Variants in RANBP2 observed in about 807,000 individuals in gnomAD.
RANBP2 encodes E3 SUMO-protein ligase RanBP2.
RANBP2 carries 57 observed loss-of-function variants against 303.6 expected under a neutral mutation model. That is an observed-to-expected ratio of 0.19 (90% CI 0.15 to 0.23). RANBP2 has a LOEUF of 0.23. RANBP2 is among the 10% of genes least tolerant of loss of function. RANBP2 has a pLI of 1.00. For synonymous variants in RANBP2, 1,167 were observed against 1,301.5 expected (o/e 0.90, Z 2.23); for missense variants, 3,138 against 3,780.8 (o/e 0.83, Z 4.46).
At chr2:109,464,689 A>G in the RANBP2 span, among the ~76,000 whole-genome samples, 1 of 152,194 alleles carries the variant, frequency 6.6e-6, no homozygotes, top group Non-Finnish European at 1.5e-5. Context: ...GTTCAGAGAA[A>G]AACTGAGCAG....
chr2:108,939,879 C>T, the RANBP2 span, among the ~76,000 whole-genome samples: 2 of 152,306 alleles, frequency 1.3e-5, no homozygotes, highest in African/African-American at 4.8e-5. Context: ...ATCTGGACTC[C>T]ACTAGAGAAC....
the RANBP2 span, among the ~76,000 whole-genome samples, chr2:109,590,179 A>C: frequency 4.6e-5 from 7 of 152,006 alleles, no homozygotes; most frequent in Non-Finnish European, 8.8e-5. Flanking sequence ...AGTGGTTACC[A>C]GTCAGCAGTA....
At chr2:108,922,511 T>G in the RANBP2 span, among the ~76,000 whole-genome samples, 1 of 152,194 alleles carries the variant, frequency 6.6e-6, no homozygotes, top group African/African-American at 2.4e-5. Context: ...AGAGAGGAGA[T>G]GCTGCGCCCC....
chr2:108,999,719 C>T, the RANBP2 span, among the ~76,000 whole-genome samples: 2 of 152,040 alleles, frequency 1.3e-5, no homozygotes, highest in Admixed American at 1.3e-4. Context: ...GGATTTTAGG[C>T]TTCCTAGAAG....
chr2:109,078,425 G>T, the RANBP2 span, among the ~76,000 whole-genome samples: 1 of 147,672 alleles, frequency 6.8e-6, no homozygotes, highest in Non-Finnish European at 1.5e-5. Flanking sequence ...AATATCATAT[G>T]ATCTCACTTG....
chr2:108,855,426 G>A, the RANBP2 span, among the ~76,000 whole-genome samples: 1 of 151,040 alleles, frequency 6.6e-6, no homozygotes, highest in Admixed American at 6.6e-5. Context: ...TAAAACTTTT[G>A]TTCCTATAAA....
intron 1 of RANBP2, chr2:108,719,992 T>C (rs1225056125): frequency 1.0e-6 from 1 of 985,138 alleles, no homozygotes; most frequent in African/African-American, 1.7e-5. Flanking sequence ...CACCCCGTAG[T>C]ACCCGCGCGG....
At chr2:109,193,183 A>G in the RANBP2 span, among the ~76,000 whole-genome samples, 1 of 152,228 alleles carries the variant, frequency 6.6e-6, no homozygotes, top group Non-Finnish European at 1.5e-5. Context: ...GAGAACTGGA[A>G]TCAGGGCAAA....
chr2:109,221,089 T>C, the RANBP2 span, among the ~76,000 whole-genome samples: 8 of 152,258 alleles, frequency 5.3e-5, no homozygotes, highest in African/African-American at 9.6e-5. Context: ...AATGAAGTTA[T>C]GACACGTGCT....
At chr2:109,500,226 A>T in the RANBP2 span, among the ~76,000 whole-genome samples, 1 of 152,130 alleles carries the variant, frequency 6.6e-6, no homozygotes, top group Non-Finnish European at 1.5e-5. Context: ...AAGTTGTTAT[A>T]GGCAGAGGTG....
chr2:109,681,774 G>C, the RANBP2 span, among the ~76,000 whole-genome samples: 1 of 152,356 alleles, frequency 6.6e-6, no homozygotes, highest in East Asian at 1.9e-4. Context: ...CCTGATCTGT[G>C]TGTGTGCTCT....
chr2:109,050,595 A>G, the RANBP2 span, among the ~76,000 whole-genome samples: 1 of 152,128 alleles, frequency 6.6e-6, no homozygotes, highest in Admixed American at 6.5e-5. Context: ...GTTTAAAATT[A>G]CACATGTGGC....
At chr2:108,979,149 A>C in the RANBP2 span, among the ~76,000 whole-genome samples, 7 of 152,110 alleles carry the variant, frequency 4.6e-5, no homozygotes, top group Admixed American at 1.3e-4. Flanking sequence ...CCCTCCTCTC[A>C]CTGTGTTTCT....
chr2:109,058,677 G>A, the RANBP2 span, among the ~76,000 whole-genome samples: 1 of 152,194 alleles, frequency 6.6e-6, no homozygotes, highest in Non-Finnish European at 1.5e-5. Flanking sequence ...GTAAGGAGTT[G>A]GGAGCAACCA....
chr2:108,929,445 A>C, the RANBP2 span: 3 of 1,543,504 alleles, frequency 1.9e-6, no homozygotes, highest in East Asian at 6.7e-5. Flanking sequence ...GACTCGGCCC[A>C]CAGTCCTTGG....
chr2:109,226,949 C>T, the RANBP2 span, among the ~76,000 whole-genome samples: 1,500 of 152,244 alleles, frequency 9.9e-3, 27 homozygotes, highest in African/African-American at 0.033. Flanking sequence ...CCACCATGGC[C>T]GGGTTCATGG....
the RANBP2 span, among the ~76,000 whole-genome samples, chr2:108,986,752 T>C: frequency 2.6e-5 from 4 of 152,204 alleles, no homozygotes; most frequent in African/African-American, 9.7e-5. Context: ...CCTTGCTTTA[T>C]TTTTTAGGAA....
At chr2:109,667,970 TC>T in the RANBP2 span, 1 of 179,424 alleles carries the variant, frequency 5.6e-6, no homozygotes, top group Non-Finnish European at 1.2e-5. Flanking sequence ...AAGCCAGAAA[TC>T]CAGTCTGAAG....
the RANBP2 span, chr2:108,896,631 AT>A: frequency 8.5e-6 from 4 of 470,626 alleles, no homozygotes; most frequent in East Asian, 1.4e-4. Flanking sequence ...CAGTGAGTTA[AT>A]GGTGGGCTGG....
Sources: allele counts gnomAD v4.1 joint callset (sites outside exome capture counted in the v4.1 genomes callset), GRCh38; gene constraint gnomAD v4.1.1; transcripts MANE v1.5; gene names NCBI Gene and HGNC (gene_info 2026-07-23, HGNC 2026-07-21).